Variants in PRMT8 observed in about 807,000 individuals in gnomAD.
The protein encoded by PRMT8 is protein arginine N-methyltransferase 8.
Under a neutral mutation model 47.1 loss-of-function variants are expected in PRMT8, and 7 were observed. That is an observed-to-expected ratio of 0.15 (90% confidence interval 0.08 to 0.28). The LOEUF (loss-of-function observed/expected upper bound fraction) is 0.28, where lower values mean the gene tolerates loss of function less well. PRMT8 is among the 10% of genes least tolerant of loss of function. The pLI, the probability that PRMT8 is intolerant of heterozygous loss-of-function variation, is 1.00. For synonymous variants in PRMT8, 188 were observed against 186.5 expected (o/e 1.01, Z -0.07); for missense variants, 237 against 505.4 (o/e 0.47, Z 5.09).
In PRMT8 at chr12:3,569,078, C is replaced by CT. The variant is rs1177178629; in HGVS notation, c.624+234dup. Among the ~76,000 whole-genome samples the CT allele has an allele frequency of 6.6e-5, 10 of 152,120 alleles. No individual in the cohort carries two copies. Among genetic ancestry groups the CT allele is most frequent in the African/African-American group, 1.7e-4 (7 of 41,450 alleles). On this transcript the variant is annotated intron_variant, in intron 5 of 9. Coordinates refer to ENST00000382622, the MANE Select transcript of PRMT8 (RefSeq NM_019854.5). This position sits in a 1 kb window ranked among gnomAD's most constrained non-coding sequence, Gnocchi z 8.2. ...ACTTCCGTGGGTCTCACCGCAGCCT[C>CT]TTTTGCAATAACAGACATCCGTTCT... is the stretch of plus-strand genomic sequence containing the variant.
intron 1 of PRMT8, among the ~76,000 whole-genome samples, chr12:3,433,127 C>T (rs1864700959): frequency 6.6e-6 from 1 of 152,212 alleles, no homozygotes; most frequent in Non-Finnish European, 1.5e-5. Context: ...TAGCTTACTT[C>T]CCACTGGCTG....
At chr12:3,412,146 A>G (rs961862182) in intron 1 of PRMT8, among the ~76,000 whole-genome samples, 3 of 152,236 alleles carry the variant, frequency 2.0e-5, no homozygotes, top group African/African-American at 4.8e-5. Context: ...TACTGCTCCT[A>G]GGCTACAAAC....
rs904476554 is a variant in PRMT8 at position 3,593,400 on chromosome 12, G to T, written c.*218G>T. 2 of 536,430 alleles carry T rather than the reference G, an allele frequency of 3.7e-6. No homozygotes were observed. Among genetic ancestry groups the T allele is most frequent in the South Asian group, 4.6e-5 (2 of 43,506 alleles). 33.2% of individuals were successfully genotyped at this position (536,430 alleles called of 1,614,324 possible). ...TCTGCCCTGGTAGCCCTTCACGAAG[G>T]CTTTGTGTTGCCAACAAAGAGCGAC... On this transcript the variant is annotated 3_prime_UTR_variant, in exon 10 of 10. Transcript: ENST00000382622. This position sits in a 1 kb window ranked among gnomAD's most constrained non-coding sequence, Gnocchi z 4.8.
intron 1 of PRMT8, among the ~76,000 whole-genome samples, chr12:3,472,701 G>A (rs537363981): frequency 1.8e-4 from 27 of 152,240 alleles, no homozygotes; most frequent in African/African-American, 6.5e-4. Flanking sequence ...AGAGCATCTC[G>A]GTCTCCATAT....
chr12:3,448,399 A>G (rs1864880555), intron 1 of PRMT8, among the ~76,000 whole-genome samples: 1 of 152,262 alleles, frequency 6.6e-6, no homozygotes, highest in South Asian at 2.1e-4. Context: ...AAATTTAAAT[A>G]AGGAAAATTT....
chr12:3,522,232 TA>T (rs920287363), intron 1 of PRMT8, among the ~76,000 whole-genome samples: 4 of 151,486 alleles, frequency 2.6e-5, no homozygotes, highest in East Asian at 1.9e-4. Flanking sequence ...AAAACCAATT[TA>T]AAAAAAAATT....
intron 1 of PRMT8, among the ~76,000 whole-genome samples, chr12:3,506,098 G>A (rs1405824941): frequency 6.6e-6 from 1 of 152,194 alleles, no homozygotes; most frequent in Non-Finnish European, 1.5e-5. Context: ...TGGGGTTAGT[G>A]TGGGGCTGCT....
intron 8 of PRMT8, among the ~76,000 whole-genome samples, chr12:3,589,537 C>T (rs1867255609): frequency 6.6e-6 from 1 of 152,096 alleles, no homozygotes; most frequent in South Asian, 2.1e-4. Context: ...CCCCTCCACG[C>T]CCCCCAGAAT....
chr12:3,491,876 GTGTGTGTGTGTGTT>G (rs1865413154), intron 1 of PRMT8, among the ~76,000 whole-genome samples, 176 bp downstream of exon 1: 6 of 119,730 alleles, frequency 5.0e-5, no homozygotes, highest in African/African-American at 2.1e-4. Context: ...GTGTGTGTGT[GTGTGTGTGTGTGTT>G]GGTGGGGGGT....
chr12:3,389,200 T>A (rs74055680), intron 1 of PRMT8, among the ~76,000 whole-genome samples: 2,627 of 152,210 alleles, frequency 0.017, 77 homozygotes, highest in African/African-American at 0.06. Flanking sequence ...TTTCTATTAG[T>A]TTCAAAGGAA....
chr12:3,461,534 C>CCACTTGT (rs1185171946), intron 1 of PRMT8, among the ~76,000 whole-genome samples: 1 of 152,224 alleles, frequency 6.6e-6, no homozygotes, highest in Non-Finnish European at 1.5e-5. Context: ...CTGCCACTTG[C>CCACTTGT]CACTTGTCTG....
chr12:3,465,122 C>CA (rs1386915523), intron 1 of PRMT8, among the ~76,000 whole-genome samples: 3,024 of 44,300 alleles, frequency 0.068, 82 homozygotes, highest in African/African-American at 0.22. Flanking sequence ...AACTCTGTCT[C>CA]AAAAAAAATA....
chr12:3,382,013 T>G (rs1864096961), intron 1 of PRMT8, among the ~76,000 whole-genome samples: 1 of 152,248 alleles, frequency 6.6e-6, no homozygotes. Flanking sequence ...TTGGTTTCAC[T>G]CAGCATAATT....
At chr12:3,391,900 T>C (rs1344331236) in intron 1 of PRMT8, among the ~76,000 whole-genome samples, 1 of 152,134 alleles carries the variant, frequency 6.6e-6, no homozygotes, top group Non-Finnish European at 1.5e-5. Flanking sequence ...TCTGAATTGA[T>C]GAATGAAGGG....
In PRMT8 at chr12:3,453,249, G is replaced by A. The variant is rs1009115598; in HGVS notation, c.48+71807G>A. ...GGTTCCTTCCCTCCCCACGCCCCTC[G>A]CTCACTCTAGTCCTGGCTCCCTTTA... On this transcript the variant is annotated intron_variant, in intron 1 of 9. Transcript: ENST00000452611. This position sits in a 1 kb window ranked among gnomAD's most constrained non-coding sequence, Gnocchi z 4.9. 3.9e-5 allele frequency among the ~76,000 whole-genome samples: 6 copies of A among 152,058 alleles called. No homozygotes were observed. Among genetic ancestry groups the A allele is most frequent in the South Asian group, 2.1e-4 (1 of 4,822 alleles).
chr12:3,414,117 C>T (rs1864460778), intron 1 of PRMT8, among the ~76,000 whole-genome samples: 1 of 152,060 alleles, frequency 6.6e-6, no homozygotes. Context: ...TCTAAATTTT[C>T]TATAATAAAT....
chr12:3,496,121 T>G (rs1865500072), intron 1 of PRMT8, among the ~76,000 whole-genome samples: 1 of 148,590 alleles, frequency 6.7e-6, no homozygotes, highest in Admixed American at 6.7e-5. Flanking sequence ...GATGACTCCC[T>G]GATTAGGGTT....
intron 1 of PRMT8, among the ~76,000 whole-genome samples, chr12:3,451,255 T>C (rs1462209641): frequency 6.6e-6 from 1 of 152,102 alleles, no homozygotes; most frequent in Non-Finnish European, 1.5e-5. Context: ...CCCTTTGAGA[T>C]GCTTTAATCT....
chr12:3,421,701 T>G (rs1392664393), intron 1 of PRMT8, among the ~76,000 whole-genome samples: 2 of 152,188 alleles, frequency 1.3e-5, no homozygotes, highest in Admixed American at 6.5e-5. Context: ...TTGACTGCCA[T>G]CTCTGGGAAA....
Sources: allele counts gnomAD v4.1 joint callset (sites outside exome capture counted in the v4.1 genomes callset), GRCh38; gene constraint gnomAD v4.1.1; non-coding constraint Gnocchi (gnomAD v3.1); transcripts MANE v1.5; gene names NCBI Gene and HGNC (gene_info 2026-07-23, HGNC 2026-07-21).